Variants in ADAMTS19 observed in about 807,000 individuals in gnomAD.
ADAMTS19 encodes the protein A disintegrin and metalloproteinase with thrombospondin motifs 19.
A neutral mutation model predicts 153.3 loss-of-function variants in ADAMTS19; 93 were observed. The ratio of observed to expected loss-of-function variants is 0.61; its 90% CI spans 0.51 to 0.72. The LOEUF (loss-of-function observed/expected upper bound fraction) is 0.72, where lower values mean the gene tolerates loss of function less well. ADAMTS19 is among the 30% of genes least tolerant of loss of function. ADAMTS19 has a pLI of 0.00. For missense variants in ADAMTS19, 1,482 were observed against 1,552.1 expected, an observed-to-expected ratio of 0.95 and a Z score of 0.76; for synonymous variants, 600 against 556.6, an observed-to-expected ratio of 1.08 and a Z score of -1.10.
intron 2 of ADAMTS19, among the ~76,000 whole-genome samples, chr5:129,503,760 G>A (rs1012067231): frequency 5.9e-5 from 9 of 151,970 alleles, no homozygotes; most frequent in South Asian, 2.1e-4. Flanking sequence ...CCCAGGAGGC[G>A]GAGGTTCCAG....
chr5:129,615,141 C>T (rs1751447706), intron 8 of ADAMTS19, among the ~76,000 whole-genome samples: 1 of 151,938 alleles, frequency 6.6e-6, no homozygotes, highest in South Asian at 2.1e-4. Flanking sequence ...AATGCCATCC[C>T]CATCAAGCTA....
chr5:129,536,736 A>T (rs1026719484), intron 6 of ADAMTS19, among the ~76,000 whole-genome samples: 94 of 152,348 alleles, frequency 6.2e-4, no homozygotes, highest in African/African-American at 2.2e-3. Context: ...CAGCCATAAA[A>T]AATGAAGAGT....
At chr5:129,654,557 C>A in intron 14 of ADAMTS19, 124 bp downstream of exon 14, 1 of 1,086,982 alleles carries the variant, frequency 9.2e-7, no homozygotes, top group Non-Finnish European at 1.3e-6. Flanking sequence ...ATAGTCCTGC[C>A]TTGACTGTGA....
intron 2 of ADAMTS19, chr5:129,500,734 T>C (rs895620011): frequency 6.6e-6 from 1 of 152,116 alleles, no homozygotes; most frequent in Non-Finnish European, 1.5e-5. Context: ...AGAGTGTAAG[T>C]TGATGATGGG....
intron 2 of ADAMTS19, among the ~76,000 whole-genome samples, chr5:129,492,506 A>AGT (rs148015134): frequency 0.035 from 5,158 of 146,392 alleles, 154 homozygotes; most frequent in East Asian, 0.11. Context: ...ATTAAAGGTC[A>AGT]GTGTGTGTGT....
intron 18 of ADAMTS19, among the ~76,000 whole-genome samples, chr5:129,684,499 G>GCATTA (rs5871363): frequency 3.1e-3 from 407 of 132,664 alleles, no homozygotes; most frequent in South Asian, 5.9e-3. Flanking sequence ...ACTACTCTTT[G>GCATTA]CATTACATTA....
intron 3 of ADAMTS19, among the ~76,000 whole-genome samples, chr5:129,518,139 T>C (rs1275838738): frequency 6.6e-6 from 1 of 152,130 alleles, no homozygotes. Flanking sequence ...TATTTATATC[T>C]TTGTACTGAC....
chr5:129,655,651 T>C (rs1350093812), intron 14 of ADAMTS19, among the ~76,000 whole-genome samples: 4 of 152,092 alleles, frequency 2.6e-5, no homozygotes, highest in East Asian at 1.9e-4. Flanking sequence ...CATACACACA[T>C]ACCTGCACAC....
intron 3 of ADAMTS19, among the ~76,000 whole-genome samples, chr5:129,514,685 A>G (rs1050594569): frequency 6.6e-6 from 1 of 152,062 alleles, no homozygotes; most frequent in Non-Finnish European, 1.5e-5. Flanking sequence ...TATTCTAGTT[A>G]TTAAATCTTT....
intron 11 of ADAMTS19, among the ~76,000 whole-genome samples, chr5:129,643,237 CTG>C: frequency 6.6e-6 from 1 of 151,762 alleles, no homozygotes; most frequent in Non-Finnish European, 1.5e-5. Context: ...TGGCACATGT[CTG>C]TAATCCCAGC....
intron 6 of ADAMTS19, among the ~76,000 whole-genome samples, chr5:129,529,461 T>C (rs943559405): frequency 6.6e-6 from 1 of 152,168 alleles, no homozygotes; most frequent in African/African-American, 2.4e-5. Context: ...AGGAACACAA[T>C]TGGACTTCTA....
intron 22 of ADAMTS19, among the ~76,000 whole-genome samples, chr5:129,736,014 A>G (rs1017309492): frequency 1.3e-5 from 2 of 152,082 alleles, no homozygotes; most frequent in African/African-American, 4.8e-5. Flanking sequence ...TCAAATGTGA[A>G]AGCTTGGTTT....
At chr5:129,510,608 T>C (rs1751408720) in intron 3 of ADAMTS19, among the ~76,000 whole-genome samples, 1 of 151,766 alleles carries the variant, frequency 6.6e-6, no homozygotes, top group Admixed American at 6.6e-5. Flanking sequence ...ACGACAGCTA[T>C]AGTTTGGATT....
intron 6 of ADAMTS19, among the ~76,000 whole-genome samples, chr5:129,544,111 A>T (rs922100873): frequency 6.6e-6 from 1 of 152,186 alleles, no homozygotes; most frequent in Non-Finnish European, 1.5e-5. Flanking sequence ...TTTAATAATT[A>T]ATGTTGATAT....
chr5:129,466,271 A>G (rs547159558), intron 2 of ADAMTS19, among the ~76,000 whole-genome samples: 1 of 152,336 alleles, frequency 6.6e-6, no homozygotes, highest in South Asian at 2.1e-4. Context: ...TACAACAGAT[A>G]GGTGAGCAGG....
At position 129,537,780 on chromosome 5, in the gene ADAMTS19, AT is replaced by A. The variant is rs1176994310; in HGVS notation, c.1328+9104del. 4.6e-5 allele frequency among the ~76,000 whole-genome samples: 7 copies of A among 151,340 alleles called. No homozygotes were observed. In the East Asian group the frequency reaches 1.4e-3, roughly 30 times the overall value. ...ATCACACACTGGGGCCTGTTGTGGGATGGGGGAAGGGGGGAGGGATAGCATT... is the reference window on the plus strand; with the variant it reads ...ATCACACACTGGGGCCTGTTGTGGGAGGGGGAAGGGGGGAGGGATAGCATT... On this transcript the variant is annotated intron_variant, in intron 6 of 22. Coordinates refer to ENST00000274487, the MANE Select transcript of ADAMTS19 (RefSeq NM_133638.6).
chr5:129,719,107 C>T (rs577357660), intron 21 of ADAMTS19, among the ~76,000 whole-genome samples: 1 of 152,016 alleles, frequency 6.6e-6, no homozygotes, highest in African/African-American at 2.4e-5. Context: ...AATTAAAAAA[C>T]AGACTGCTGT....
chr5:129,692,568 G>C (rs1755382835), intron 18 of ADAMTS19, among the ~76,000 whole-genome samples: 1 of 152,146 alleles, frequency 6.6e-6, no homozygotes, highest in Non-Finnish European at 1.5e-5. Flanking sequence ...GAGCTGCAAA[G>C]GTTCACTCAA....
intron 21 of ADAMTS19, among the ~76,000 whole-genome samples, chr5:129,732,545 A>G (rs1411141959): frequency 6.6e-6 from 1 of 152,088 alleles, no homozygotes; most frequent in Non-Finnish European, 1.5e-5. Flanking sequence ...AATGAAATCA[A>G]GAAGACGGTC....
Sources: allele counts gnomAD v4.1 joint callset (sites outside exome capture counted in the v4.1 genomes callset), GRCh38; gene constraint gnomAD v4.1.1; transcripts MANE v1.5; gene names NCBI Gene and HGNC (gene_info 2026-07-23, HGNC 2026-07-21).